The following TRPM1 variants were observed in gnomAD, a reference collection of about 807,000 sequenced individuals.
The protein encoded by TRPM1 is transient receptor potential cation channel subfamily M member 1.
Under a neutral mutation model 149.4 loss-of-function variants are expected in TRPM1, and 113 were observed. The ratio of observed to expected loss-of-function variants is 0.76; its 90% CI spans 0.65 to 0.88. TRPM1 has a LOEUF of 0.88. Among genes scored for constraint, TRPM1 ranks in the 40% least tolerant of loss-of-function variants. The pLI is 0.00. For missense variants in TRPM1, 1,976 were observed against 2,038.7 expected (o/e 0.97, Z 0.59); for synonymous variants, 741 against 759.5 (o/e 0.98, Z 0.40).
At chr15:31,009,468 CT>C (rs148836909) in intron 27 of TRPM1, among the ~76,000 whole-genome samples, 16,097 of 152,064 alleles carry the variant, frequency 0.11, 1,190 homozygotes, top group African/African-American at 0.19. Flanking sequence ...CAATTTTTTT[CT>C]TTGCTGTCAA....
chr15:31,094,091 T>G (rs2141005748), intron 1 of TRPM1, among the ~76,000 whole-genome samples: 2 of 152,332 alleles, frequency 1.3e-5, no homozygotes, highest in Admixed American at 1.3e-4. Flanking sequence ...GCAAAGGTGC[T>G]AAGACCATTC....
At chr15:31,136,132 CCTT>C (rs1057041446) in intron 1 of TRPM1, among the ~76,000 whole-genome samples, 2 of 152,030 alleles carry the variant, frequency 1.3e-5, no homozygotes, top group African/African-American at 4.8e-5. Flanking sequence ...TTGGCCATCT[CCTT>C]CTTATCTCTG....
chr15:31,030,799 G>A (rs1351000022), intron 23 of TRPM1, among the ~76,000 whole-genome samples, 184 bp downstream of exon 23: 3 of 152,212 alleles, frequency 2.0e-5, no homozygotes, highest in Non-Finnish European at 4.4e-5. Flanking sequence ...TAAAAGAAAT[G>A]ACTGATGTCT....
At chr15:31,057,137 C>T (rs1251216082) in intron 11 of TRPM1, among the ~76,000 whole-genome samples, 1 of 152,094 alleles carries the variant, frequency 6.6e-6, no homozygotes, top group Non-Finnish European at 1.5e-5. Context: ...GGTAGGAACT[C>T]ATGGGGCTTT....
intron 11 of TRPM1, among the ~76,000 whole-genome samples, chr15:31,054,381 G>A (rs1463454195): frequency 5.3e-5 from 8 of 151,946 alleles, no homozygotes; most frequent in African/African-American, 1.7e-4. Flanking sequence ...TGCAACCTCC[G>A]GCTCCCAGGT....
intron 1 of TRPM1, among the ~76,000 whole-genome samples, chr15:31,088,463 T>C (rs932298716): frequency 1.3e-5 from 2 of 152,214 alleles, no homozygotes; most frequent in Non-Finnish European, 2.9e-5. Flanking sequence ...GTATGTGGCT[T>C]CACTCCTGAA....
intron 22 of TRPM1, 143 bp from the exon 23 acceptor site, chr15:31,031,300 ATCCC>A: frequency 1.2e-5 from 11 of 883,470 alleles, no homozygotes; most frequent in Non-Finnish European, 2.0e-5. Flanking sequence ...CTTTCTTCCC[ATCCC>A]TGGGAAGGCT....
chr15:31,146,175 C>T (rs1305806083), intron 1 of TRPM1, among the ~76,000 whole-genome samples: 1 of 152,154 alleles, frequency 6.6e-6, no homozygotes, highest in African/African-American at 2.4e-5. Context: ...TTGCACGCAG[C>T]CATCCACCAA....
At chr15:31,097,391 G>A (rs1012305427) in intron 1 of TRPM1, among the ~76,000 whole-genome samples, 10 of 152,140 alleles carry the variant, frequency 6.6e-5, no homozygotes, top group Admixed American at 3.9e-4. Flanking sequence ...ATTGGTGGCC[G>A]GCTTGGCTGA....
intron 27 of TRPM1, among the ~76,000 whole-genome samples, chr15:31,004,733 C>G (rs1463691370): frequency 2.0e-5 from 3 of 152,246 alleles, no homozygotes; most frequent in East Asian, 1.9e-4. Flanking sequence ...TCTTGCATTT[C>G]AGAGACCAAC....
intron 1 of TRPM1, among the ~76,000 whole-genome samples, chr15:31,117,868 A>C (rs2035823129): frequency 6.6e-6 from 1 of 152,226 alleles, no homozygotes; most frequent in Non-Finnish European, 1.5e-5. Context: ...ATAATTAATG[A>C]GTTTGAAGAT....
At chr15:31,092,287 G>T (rs906692360) in intron 1 of TRPM1, among the ~76,000 whole-genome samples, 3 of 152,096 alleles carry the variant, frequency 2.0e-5, no homozygotes, top group African/African-American at 4.8e-5. Context: ...TAAAGGTGTG[G>T]TGTCGGTGCG....
At chr15:31,041,394 C>T (rs2140929080) in intron 17 of TRPM1, among the ~76,000 whole-genome samples, 1 of 152,252 alleles carries the variant, frequency 6.6e-6, no homozygotes, top group East Asian at 1.9e-4. Context: ...TTGTGATCCG[C>T]CCACCTCGGC....
intron 3 of TRPM1, among the ~76,000 whole-genome samples, chr15:31,071,980 C>CCATATAT (rs1448196967): frequency 3.9e-5 from 3 of 77,270 alleles, no homozygotes; most frequent in African/African-American, 1.9e-4. Context: ...AAAAAAAAAA[C>CCATATAT]ATATATATAT....
intron 1 of TRPM1, among the ~76,000 whole-genome samples, chr15:31,113,044 G>A (rs2035715778): frequency 6.6e-6 from 1 of 152,216 alleles, no homozygotes; most frequent in Non-Finnish European, 1.5e-5. Context: ...GCTTCCTGAA[G>A]TCCCATTCAG....
rs375683254 is a variant in TRPM1, at chr15:31,002,100, C to T, written c.4600G>A (p.Ala1534Thr). The change falls in exon 28 of 28, where the codon GCT (alanine) becomes ACT (threonine). Residue 1534 changes from alanine to threonine, a missense_variant. Physicochemically the swap from Ala to Thr is moderately conservative, Grantham distance 58. Coordinates refer to ENST00000256552, the MANE Select transcript of TRPM1 (RefSeq NM_001252024.2). ...FADMQDEHHV[A>T]EAIPRIPRLS... Reference sequence around the variant, plus strand: ...CGAGGGATTCGAGGAATTGCTTCAGCGACATGGTGTTCATCTTGCATATCT... The same window carrying T: ...CGAGGGATTCGAGGAATTGCTTCAGTGACATGGTGTTCATCTTGCATATCT... The T allele has an allele frequency of 9.9e-6, 16 of 1,614,204 alleles. No homozygotes were observed. The highest frequency in any genetic ancestry group is 5.3e-5 in the African/African-American group (4 of 75,062).
At chr15:31,090,170 G>A (rs2035195051) in intron 1 of TRPM1, among the ~76,000 whole-genome samples, 1 of 152,094 alleles carries the variant, frequency 6.6e-6, no homozygotes, top group African/African-American at 2.4e-5. Context: ...CAGCACACAT[G>A]CTCTCGTAAA....
At chr15:31,093,770 T>G (rs2141005308) in intron 1 of TRPM1, among the ~76,000 whole-genome samples, 1 of 152,104 alleles carries the variant, frequency 6.6e-6, no homozygotes, top group South Asian at 2.1e-4. Flanking sequence ...CCTGGCTAAT[T>G]TTTTTTATTT....
chr15:31,119,134 G>A (rs1478966395), intron 1 of TRPM1, among the ~76,000 whole-genome samples: 1 of 151,942 alleles, frequency 6.6e-6, no homozygotes, highest in Admixed American at 6.6e-5. Flanking sequence ...CCAGCTACTC[G>A]GGAGGCTGAG....
Sources: allele counts gnomAD v4.1 joint callset (sites outside exome capture counted in the v4.1 genomes callset), GRCh38; gene constraint gnomAD v4.1.1; transcripts MANE v1.5; gene names NCBI Gene and HGNC (gene_info 2026-07-23, HGNC 2026-07-21).